Variants in PEPD observed in about 807,000 individuals in gnomAD.
PEPD encodes peptidase D.
A neutral mutation model predicts 60.7 loss-of-function variants in PEPD; 53 were observed. That is an observed-to-expected ratio of 0.87 (90% CI 0.70 to 1.10). The LOEUF (loss-of-function observed/expected upper bound fraction) is 1.10, where lower values mean the gene tolerates loss of function less well. Ranked by LOEUF, PEPD falls within the 50% of genes least tolerant of loss-of-function variation. The probability of loss-of-function intolerance (pLI) is 0.00; values close to 1 mark genes in which losing one functional copy is unlikely to be tolerated. For synonymous variants in PEPD, 267 were observed against 284.1 expected, an observed-to-expected ratio of 0.94 and a Z score of 0.60; for missense variants, 711 against 711.9, an observed-to-expected ratio of 1.00 and a Z score of 0.01.
chr19:33,508,086 C>T (rs1970847652), intron 3 of PEPD, among the ~76,000 whole-genome samples: 1 of 140,858 alleles, frequency 7.1e-6, no homozygotes, highest in African/African-American at 3.0e-5. Flanking sequence ...CCTGATCAGA[C>T]CCTCCCTGAA....
At chr19:33,448,937 C>T (rs1969645109) in intron 9 of PEPD, among the ~76,000 whole-genome samples, 1 of 152,234 alleles carries the variant, frequency 6.6e-6, no homozygotes, top group Non-Finnish European at 1.5e-5. Flanking sequence ...CCAGAGGCCA[C>T]CAGTATATAA....
chr19:33,435,380 T>G (rs1156651952), intron 9 of PEPD, among the ~76,000 whole-genome samples: 2 of 152,138 alleles, frequency 1.3e-5, no homozygotes. Flanking sequence ...AAACAGAAGC[T>G]GGAGGCCCGG....
chr19:33,510,269 CGTG>C (rs771728646), intron 3 of PEPD, among the ~76,000 whole-genome samples: 1 of 152,128 alleles, frequency 6.6e-6, no homozygotes, highest in Non-Finnish European at 1.5e-5. Flanking sequence ...CATGGACACA[CGTG>C]GAGTGGTTTT....
intron 1 of PEPD, among the ~76,000 whole-genome samples, chr19:33,519,488 A>C (rs1290554068): frequency 1.3e-5 from 2 of 152,182 alleles, no homozygotes; most frequent in Non-Finnish European, 2.9e-5. Context: ...ATGCCTCGTT[A>C]TGCCTGACTC....
intron 11 of PEPD, among the ~76,000 whole-genome samples, chr19:33,410,429 C>T (rs1235028856): frequency 6.6e-6 from 1 of 152,198 alleles, no homozygotes; most frequent in Non-Finnish European, 1.5e-5. Flanking sequence ...GCTCTCTGGG[C>T]AGCTGGTTGT....
intron 9 of PEPD, among the ~76,000 whole-genome samples, chr19:33,460,431 G>C (rs1461155353): frequency 6.6e-6 from 1 of 152,068 alleles, no homozygotes; most frequent in Non-Finnish European, 1.5e-5. Flanking sequence ...CTGGCAATCG[G>C]GGCGCCTCCT....
intron 12 of PEPD, among the ~76,000 whole-genome samples, chr19:33,400,016 G>A (rs1968452295): frequency 6.6e-6 from 1 of 152,186 alleles, no homozygotes; most frequent in Admixed American, 6.5e-5. Context: ...TCTGGGGCCT[G>A]CATCCTGGAC....
chr19:33,425,751 T>G (rs1012632591), intron 9 of PEPD, among the ~76,000 whole-genome samples: 1 of 152,160 alleles, frequency 6.6e-6, no homozygotes, highest in Non-Finnish European at 1.5e-5. Context: ...AGACAAGAAC[T>G]TGACCAAAAC....
At chr19:33,424,571 T>C (rs1024399195) in intron 9 of PEPD, among the ~76,000 whole-genome samples, 2 of 152,068 alleles carry the variant, frequency 1.3e-5, no homozygotes, top group African/African-American at 4.8e-5. Context: ...AAGGCCAGTG[T>C]GGTGGTGCAT....
intron 3 of PEPD, among the ~76,000 whole-genome samples, chr19:33,510,610 G>A (rs1222392890): frequency 6.6e-5 from 10 of 152,188 alleles, no homozygotes; most frequent in South Asian, 2.1e-4. Context: ...CATGTGGGGC[G>A]GCCATGTTGC....
At chr19:33,480,753 C>T (rs1970299065) in intron 6 of PEPD, among the ~76,000 whole-genome samples, 1 of 152,062 alleles carries the variant, frequency 6.6e-6, no homozygotes, top group Non-Finnish European at 1.5e-5. Flanking sequence ...CAAGATCGCA[C>T]CACTGCACTC....
rs1044503185 is a variant in PEPD, at chr19:33,489,860, A to G, written c.503+136T>C. On this transcript the variant is annotated intron_variant, in intron 6 of 14. Transcript: ENST00000244137. ...TTTTTGGCAAATTATGCTTCTAAAC[A>G]TTTCCTCAAAATGCCCAAACTCCTT... 2.3e-5 allele frequency: 15 copies of G among 646,476 alleles called. No individual in the cohort carries two copies. In the African/African-American group the frequency reaches 2.4e-4, roughly 10 times the overall value. 40.0% of individuals were successfully genotyped at this position (646,476 alleles called of 1,614,324 possible).
chr19:33,487,758 G>C (rs919366222), intron 6 of PEPD, among the ~76,000 whole-genome samples: 1 of 152,184 alleles, frequency 6.6e-6, no homozygotes, highest in African/African-American at 2.4e-5. Context: ...AAGTGTCCCA[G>C]TGGTGACAGG....
chr19:33,446,501 G>A (rs1199603762), intron 9 of PEPD, among the ~76,000 whole-genome samples: 2 of 152,184 alleles, frequency 1.3e-5, no homozygotes, highest in African/African-American at 4.8e-5. Context: ...CATGACACTT[G>A]CCCAGCTTCA....
intron 4 of PEPD, among the ~76,000 whole-genome samples, chr19:33,494,176 G>A (rs1970552800): frequency 1.3e-5 from 2 of 152,136 alleles, no homozygotes; most frequent in South Asian, 4.2e-4. Context: ...CTGCATCTTG[G>A]CTACTGCAGA....
At chr19:33,413,673 G>A (rs1185791596) in intron 9 of PEPD, 30 bp from the exon 10 acceptor site, 4 of 1,453,824 alleles carry the variant, frequency 2.8e-6, no homozygotes, top group South Asian at 1.2e-5. Flanking sequence ...TCAGGGTTGG[G>A]GCACTAGAGC....
chr19:33,486,764 A>G (rs1200673880), intron 6 of PEPD: 1 of 150,672 alleles, frequency 6.6e-6, no homozygotes, highest in Admixed American at 6.8e-5. Flanking sequence ...TGGCCCAACC[A>G]TCCAGCTGGA....
chr19:33,467,307 T>C (rs550092400), intron 7 of PEPD, among the ~76,000 whole-genome samples: 1 of 152,022 alleles, frequency 6.6e-6, no homozygotes, highest in African/African-American at 2.4e-5. Context: ...TAGTTCTGCA[T>C]AGACCACGGT....
At chr19:33,502,914 C>A (rs140965087) in intron 3 of PEPD, among the ~76,000 whole-genome samples, 1 of 132,030 alleles carries the variant, frequency 7.6e-6, no homozygotes, top group African/African-American at 2.9e-5. Flanking sequence ...ACAACCTGGA[C>A]AACTTGCAGT....
Sources: allele counts gnomAD v4.1 joint callset (sites outside exome capture counted in the v4.1 genomes callset), GRCh38; gene constraint gnomAD v4.1.1; transcripts MANE v1.5; gene names NCBI Gene and HGNC (gene_info 2026-07-23, HGNC 2026-07-21).